DROSHA: variants seen among roughly 807,000 people sequenced by gnomAD.
DROSHA encodes the protein ribonuclease 3.
Under a neutral mutation model 181.9 loss-of-function variants are expected in DROSHA, and 56 were observed. That is an observed-to-expected ratio of 0.31 (90% CI 0.25 to 0.38). DROSHA has a LOEUF of 0.38. Ranked by LOEUF, DROSHA falls within the 10% of genes least tolerant of loss-of-function variation. The probability of loss-of-function intolerance (pLI) is 1.00; values close to 1 mark genes in which losing one functional copy is unlikely to be tolerated. For missense variants in DROSHA, 1,218 were observed against 1,743.5 expected (o/e 0.70, Z 5.37); for synonymous variants, 524 against 591.2 (o/e 0.89, Z 1.65).
chr5:31,524,714 C>T (rs1424887721), intron 5 of DROSHA, among the ~76,000 whole-genome samples: 1 of 152,190 alleles, frequency 6.6e-6, no homozygotes, highest in South Asian at 2.1e-4. Context: ...TTGCATATAA[C>T]TTCAGAGTAT....
intron 33 of DROSHA, among the ~76,000 whole-genome samples, chr5:31,407,776 G>T (rs376826509): frequency 3.3e-5 from 5 of 152,144 alleles, no homozygotes; most frequent in East Asian, 3.8e-4. Flanking sequence ...GAATGTGCAC[G>T]AGTGGCTTCT....
intron 13 of DROSHA, among the ~76,000 whole-genome samples, chr5:31,492,526 A>G (rs572728860): frequency 6.6e-6 from 1 of 152,374 alleles, no homozygotes; most frequent in Admixed American, 6.5e-5. Context: ...CTACAACAGC[A>G]TCTGTACTGG....
rs73064341 is a variant in DROSHA, at chr5:31,470,678, C to G, written c.2241+1385G>C. On this transcript the variant is annotated intron_variant, in intron 17 of 35. Coordinates refer to ENST00000344624, the MANE Select transcript of DROSHA (RefSeq NM_001382508.1). The surrounding 1 kb of genome is among the most constrained non-coding windows in gnomAD (Gnocchi z 4.0). ...TCACTGCCTGGAGTATATAAGGTAG[C>G]TATATCCTTAAGCCAGGGTATCCTT... Among the ~76,000 whole-genome samples, 14,381 of 151,974 alleles carry G rather than the reference C, an allele frequency of 0.095. 1,266 individuals carry two copies. Among genetic ancestry groups the G allele is most frequent in the East Asian group, 0.22 (1,128 of 5,162 alleles).
At chr5:31,520,127 G>T (rs10461898) in intron 6 of DROSHA, among the ~76,000 whole-genome samples, 2 of 151,650 alleles carry the variant, frequency 1.3e-5, no homozygotes, top group Non-Finnish European at 2.9e-5. Context: ...TCCATTTTTC[G>T]AGTTATTGAC....
At chr5:31,402,945 G>A (rs550013277) in intron 35 of DROSHA, among the ~76,000 whole-genome samples, 4 of 152,286 alleles carry the variant, frequency 2.6e-5, no homozygotes, top group Admixed American at 2.6e-4. Context: ...ACCACAACCG[G>A]CTAATTTTTG....
rs2149987585 is a variant in DROSHA, at chr5:31,410,052, G to T, written c.3667+694C>A. Among the ~76,000 whole-genome samples the T allele has an allele frequency of 2.0e-5, 3 of 150,154 alleles. No individual in the cohort carries two copies. In the South Asian group the frequency reaches 6.5e-4, roughly 32 times the overall value. ...AAATTACTTTTCTTTCATTGAAAAA[G>T]AAGTTCTTTTAAGTTCCTTAGTCAG... On this transcript the variant is annotated intron_variant, in intron 31 of 35. Coordinates refer to ENST00000344624, the MANE Select transcript of DROSHA (RefSeq NM_001382508.1).
intron 23 of DROSHA, among the ~76,000 whole-genome samples, chr5:31,440,523 G>A (rs1745448235): frequency 6.6e-6 from 1 of 152,088 alleles, no homozygotes; most frequent in Non-Finnish European, 1.5e-5. Context: ...AATTTTACAG[G>A]AAATAAAAGG....
intron 17 of DROSHA, among the ~76,000 whole-genome samples, chr5:31,468,290 C>A (rs765230075): frequency 1.3e-5 from 2 of 152,180 alleles, no homozygotes; most frequent in Non-Finnish European, 2.9e-5. Context: ...ATGATTTTGT[C>A]CTTTTTTGCA....
chr5:31,454,299 G>C (rs1453947636), intron 20 of DROSHA, among the ~76,000 whole-genome samples: 7 of 152,146 alleles, frequency 4.6e-5, no homozygotes, highest in Non-Finnish European at 8.8e-5. Flanking sequence ...CTCCCTGCAA[G>C]GTAGAAGCCC....
intron 4 of DROSHA, 137 bp downstream of exon 4, chr5:31,528,903 G>A: frequency 3.4e-6 from 4 of 1,179,508 alleles, no homozygotes; most frequent in South Asian, 1.5e-5. Context: ...ATTGTATTGT[G>A]CCCACTGTTG....
intron 20 of DROSHA, 21 bp downstream of exon 20, chr5:31,464,215 T>A (rs758769290): frequency 1.2e-6 from 2 of 1,607,538 alleles, no homozygotes; most frequent in East Asian, 4.5e-5. Context: ...GGCATAACTG[T>A]GTCCTCAGAA....
At chr5:31,512,444 T>C (rs1738799485) in intron 8 of DROSHA, among the ~76,000 whole-genome samples, 2 of 152,218 alleles carry the variant, frequency 1.3e-5, no homozygotes, top group Admixed American at 1.3e-4. Context: ...TTAAGAATAA[T>C]AACACCTATG....
intron 5 of DROSHA, among the ~76,000 whole-genome samples, chr5:31,524,826 T>C (rs1420683534): frequency 1.3e-5 from 2 of 152,216 alleles, no homozygotes; most frequent in African/African-American, 4.8e-5. Flanking sequence ...AGAAATGTAA[T>C]ATAGAATGAA....
chr5:31,437,921 A>G (rs924976865), intron 23 of DROSHA, among the ~76,000 whole-genome samples: 1 of 152,160 alleles, frequency 6.6e-6, no homozygotes, highest in South Asian at 2.1e-4. Flanking sequence ...TCTCTCGCAT[A>G]CAATGAGCCA....
At chr5:31,490,498 T>A (rs897192754) in intron 13 of DROSHA, among the ~76,000 whole-genome samples, 1 of 152,180 alleles carries the variant, frequency 6.6e-6, no homozygotes, top group Non-Finnish European at 1.5e-5. Flanking sequence ...AAACTTCAGA[T>A]AAGTTGTCAG....
intron 20 of DROSHA, among the ~76,000 whole-genome samples, chr5:31,451,952 T>C (rs547756236): frequency 2.6e-4 from 39 of 152,280 alleles, no homozygotes; most frequent in African/African-American, 9.4e-4. Flanking sequence ...ATAATAAATA[T>C]ACCTACTTCC....
Position 31,468,046 on chromosome 5 carries a change from A to G in DROSHA, c.2259T>C (p.Arg753=). 6.2e-7 allele frequency: 1 copy of G among 1,611,274 alleles called. No individual in the cohort carries two copies. The highest frequency in any genetic ancestry group is 2.2e-5 in the East Asian group (1 of 44,824). ...ACTGTTCACGATCCAGTTGATCGAT[A>G]CGGACAGAGCTTGGTTTCTAGAGAG... is the stretch of plus-strand genomic sequence containing the variant. The part of the protein sequence containing the change: ...TNPGTKPSSV[R]IDQLDREQFN... The change falls in exon 18 of 36, where the codon CGT becomes CGC. Residue 753 remains arginine (R), a synonymous_variant. Coordinates refer to ENST00000344624, the MANE Select transcript of DROSHA (RefSeq NM_001382508.1).
chr5:31,520,638 G>T (rs1406628255), intron 6 of DROSHA, among the ~76,000 whole-genome samples: 1 of 152,092 alleles, frequency 6.6e-6, no homozygotes, highest in Non-Finnish European at 1.5e-5. Context: ...CCCCGAATCT[G>T]TCAGATTCTA....
intron 5 of DROSHA, 37 bp from the exon 6 acceptor site, chr5:31,521,252 A>G (rs773292396): frequency 1.9e-6 from 3 of 1,603,918 alleles, no homozygotes; most frequent in Non-Finnish European, 2.6e-6. Flanking sequence ...TTTTCAACAG[A>G]AAGACTCAAA....
Sources: allele counts gnomAD v4.1 joint callset (sites outside exome capture counted in the v4.1 genomes callset), GRCh38; gene constraint gnomAD v4.1.1; non-coding constraint Gnocchi (gnomAD v3.1); transcripts MANE v1.5; gene names NCBI Gene and HGNC (gene_info 2026-07-23, HGNC 2026-07-21).